The following UBA52 variants were observed in gnomAD, a reference collection of about 807,000 sequenced individuals.
UBA52 encodes the protein ubiquitin A-52 residue ribosomal protein fusion product 1, also known as ubiquitin-ribosomal protein eL40 fusion protein.
Under a neutral mutation model 15.3 loss-of-function variants are expected in UBA52, and 1 was observed. The ratio of observed to expected loss-of-function variants is 0.07; its 90% confidence interval spans 0.02 to 0.31. The LOEUF is 0.31. Ranked by LOEUF, UBA52 falls within the 10% of genes least tolerant of loss-of-function variation. The pLI is 1.00. For synonymous variants in UBA52, 50 were observed against 58.3 expected, an observed-to-expected ratio of 0.86 and a Z score of 0.65; for missense variants, 87 against 168.0, an observed-to-expected ratio of 0.52 and a Z score of 2.66.
chr19:18,567,167 A>G, upstream of UBA52: 1 of 1,614,170 alleles, frequency 6.2e-7, no homozygotes, highest in African/African-American at 1.3e-5. Flanking sequence ...CAGCACCCAG[A>G]GGCCTTCAGC....
chr19:18,566,959 T>C (rs1272517937), upstream of UBA52, among the ~76,000 whole-genome samples: 1 of 152,136 alleles, frequency 6.6e-6, no homozygotes, highest in Non-Finnish European at 1.5e-5. Context: ...GTCAGGGCCG[T>C]GGCTGCTGGG....
At chr19:18,568,634 C>T (rs1187868768), upstream of UBA52, 1 of 1,605,218 alleles carries the variant, frequency 6.2e-7, no homozygotes, top group East Asian at 2.2e-5. Flanking sequence ...GCGAATAGCC[C>T]TGCTGCCCGG....
At position 18,577,465 on chromosome 19, in the gene UBA52, C is replaced by A. The variant is rs10418475; in HGVS notation, c.*2315C>A. 136 of 152,302 alleles carry A rather than the reference C, an allele frequency of 8.9e-4. 1 individual carries two copies. Among genetic ancestry groups the A allele is most frequent in the African/African-American group, 2.9e-3 (120 of 41,554 alleles). The allele number at this position is 152,302 out of a possible 1,614,324, so 9.4% of individuals were successfully genotyped here. On this transcript the variant is annotated 3_prime_UTR_variant, in exon 5 of 5. Coordinates refer to ENST00000442744, the MANE Select transcript of UBA52 (RefSeq NM_001033930.3). ...TCAATAAACAGCTGCTGCTCACTCT[C>A]CTGGTCCGTGGACTCTTTTTGAACT...
the UBA52 span, chr19:18,564,875 C>T: frequency 6.2e-7 from 1 of 1,613,546 alleles, no homozygotes; most frequent in Non-Finnish European, 8.5e-7. Context: ...TCAGGCTGGA[C>T]CGCTTTGAGA....
Position 18,575,096 on chromosome 19 carries a change from CAAG to C in UBA52, c.340_342del (p.Lys114del). On this transcript the variant is annotated inframe_deletion, in exon 5 of 5. Coordinates refer to ENST00000442744, the MANE Select transcript of UBA52 (RefSeq NM_001033930.3). ...TTCACCCTCGTGCTGTCAACTGCCGCAAGAAGAAGTGTGGTCACACCAACAACC... is the reference window on the plus strand; with the variant it reads ...TTCACCCTCGTGCTGTCAACTGCCGCAAGAAGTGTGGTCACACCAACAACC... 2 of 1,614,228 alleles carry C rather than the reference CAAG, an allele frequency of 1.2e-6. No homozygotes were observed. The highest frequency in any genetic ancestry group is 1.7e-5 in the Admixed American group (1 of 60,028).
the UBA52 span, among the ~76,000 whole-genome samples, chr19:18,566,397 GGTGA>G: frequency 2.7e-5 from 4 of 149,466 alleles, no homozygotes; most frequent in Non-Finnish European, 6.0e-5. Flanking sequence ...GAACCCAGGA[GGTGA>G]GCCGAGATCG....
chr19:18,572,747 T>C, intron 1 of UBA52: 1 of 988,634 alleles, frequency 1.0e-6, no homozygotes, highest in Non-Finnish European at 1.2e-6. Flanking sequence ...CTGGAGAGTT[T>C]TGGTGTAATT....
chr19:18,574,159 C>T (rs1272873733), intron 3 of UBA52, among the ~76,000 whole-genome samples: 1 of 150,860 alleles, frequency 6.6e-6, no homozygotes, highest in Admixed American at 6.6e-5. Flanking sequence ...TGGTGCGTGC[C>T]TGTAGTCCCA....
upstream of UBA52, chr19:18,568,629 T>C (rs376591398): frequency 1.2e-6 from 2 of 1,607,614 alleles, no homozygotes. Flanking sequence ...GACGGGCGAA[T>C]AGCCCTGCTG....
chr19:18,568,351 C>T (rs1187055985), upstream of UBA52: 5 of 1,398,206 alleles, frequency 3.6e-6, no homozygotes, highest in Non-Finnish European at 5.0e-6. Context: ...AGTCCTACAT[C>T]ACAGAGCTTG....
chr19:18,568,517 C>T (rs761990123), upstream of UBA52: 60 of 1,614,016 alleles, frequency 3.7e-5, no homozygotes, highest in South Asian at 5.7e-4. Context: ...CCAGCCCCGA[C>T]ACCGTCTCGC....
chr19:18,567,778 C>T (rs1016739806), upstream of UBA52, among the ~76,000 whole-genome samples: 7 of 152,320 alleles, frequency 4.6e-5, no homozygotes, highest in African/African-American at 1.4e-4. Flanking sequence ...CATCCCAGGG[C>T]CTCCAACAGC....
upstream of UBA52, chr19:18,567,451 T>A (rs1451227901): frequency 5.7e-6 from 4 of 700,934 alleles, no homozygotes; most frequent in Non-Finnish European, 1.0e-5. Flanking sequence ...CTGTGTGCAT[T>A]ATGAGCCATC....
At chr19:18,565,001 C>G in the UBA52 span, 3 of 1,605,378 alleles carry the variant, frequency 1.9e-6, no homozygotes, top group African/African-American at 4.0e-5. Flanking sequence ...GGGACCTGGA[C>G]AGCATCTTCC....
intron 1 of UBA52, 27 bp downstream of exon 1, chr19:18,571,936 G>GGGGCTGC (rs1975504930): frequency 6.5e-6 from 1 of 152,880 alleles, no homozygotes; most frequent in Admixed American, 6.5e-5. Flanking sequence ...GAGCGGGTTG[G>GGGGCTGC]GGGCTGCGGG....
upstream of UBA52, among the ~76,000 whole-genome samples, chr19:18,570,323 T>C (rs1489485384): frequency 6.6e-6 from 1 of 151,496 alleles, no homozygotes; most frequent in Non-Finnish European, 1.5e-5. Flanking sequence ...GCCTCCGAAG[T>C]AGCTGGGACT....
chr19:18,566,780 G>A (rs1465369156), upstream of UBA52, among the ~76,000 whole-genome samples: 2 of 151,026 alleles, frequency 1.3e-5, no homozygotes, highest in African/African-American at 4.9e-5. Context: ...GCGACAGAGT[G>A]AGATTCTGTC....
intron 3 of UBA52, among the ~76,000 whole-genome samples, chr19:18,574,596 G>A (rs1975687145): frequency 6.6e-6 from 1 of 152,194 alleles, no homozygotes; most frequent in South Asian, 2.1e-4. Flanking sequence ...TTAGAGGTCG[G>A]CTTCCATGTT....
rs1383128438 is a variant in UBA52 at position 18,572,770 on chromosome 19, A to G, written c.-8-523A>G. On this transcript the variant is annotated intron_variant, in intron 1 of 4. Transcript: ENST00000442744. ...TTTTGGTGTAATTGAGAAGGAAGCT[A>G]AGAGTGTTGGGTGCTCCAGCTTGGA... The G allele has an allele frequency of 5.0e-6, 5 of 997,746 alleles. No homozygotes were observed. The African/African-American group carries it at 7.0e-5, about 14-fold the overall frequency. 61.8% of individuals were successfully genotyped at this position (997,746 alleles called of 1,614,324 possible).
Sources: allele counts gnomAD v4.1 joint callset (sites outside exome capture counted in the v4.1 genomes callset), GRCh38; gene constraint gnomAD v4.1.1; transcripts MANE v1.5; gene names NCBI Gene and HGNC (gene_info 2026-07-23, HGNC 2026-07-21).